SKAP2: variants seen among roughly 807,000 people sequenced by gnomAD.
SKAP2 encodes the protein src kinase-associated phosphoprotein 2.
Under a neutral mutation model 54.9 loss-of-function variants are expected in SKAP2, and 28 were observed. The ratio of observed to expected loss-of-function variants is 0.51; its 90% CI spans 0.38 to 0.70. The LOEUF (loss-of-function observed/expected upper bound fraction) is 0.70. Ranked by LOEUF, SKAP2 falls within the 30% of genes least tolerant of loss-of-function variation. The pLI is 0.00. For missense variants in SKAP2, 356 were observed against 424.1 expected (o/e 0.84, Z 1.41); for synonymous variants, 137 against 134.3 (o/e 1.02, Z -0.14).
At chr7:26,787,368 G>A (rs543920592) in intron 4 of SKAP2, among the ~76,000 whole-genome samples, 1 of 151,922 alleles carries the variant, frequency 6.6e-6, no homozygotes, top group Non-Finnish European at 1.5e-5. Flanking sequence ...TGCCACCTAG[G>A]CTGGAGTGCG....
intron 4 of SKAP2, among the ~76,000 whole-genome samples, chr7:26,777,676 T>C (rs1299144615): frequency 6.6e-6 from 1 of 152,186 alleles, no homozygotes; most frequent in Non-Finnish European, 1.5e-5. Flanking sequence ...TGCTCCTTGT[T>C]TTACATACAT....
intron 4 of SKAP2, among the ~76,000 whole-genome samples, chr7:26,839,190 T>C (rs901540686): frequency 2.6e-5 from 4 of 152,158 alleles, no homozygotes; most frequent in East Asian, 1.9e-4. Flanking sequence ...TTTACTAATA[T>C]ATACCTTTGT....
chr7:26,831,937 T>G (rs1171697875), intron 4 of SKAP2, among the ~76,000 whole-genome samples: 1 of 152,138 alleles, frequency 6.6e-6, no homozygotes, highest in East Asian at 1.9e-4. Context: ...CTTTCCACAG[T>G]TCATCAAACT....
At chr7:26,790,401 G>A (rs1783650067) in intron 4 of SKAP2, among the ~76,000 whole-genome samples, 1 of 152,106 alleles carries the variant, frequency 6.6e-6, no homozygotes, top group African/African-American at 2.4e-5. Context: ...TTAGTAAGGT[G>A]AACTTTTAGA....
In SKAP2 at chr7:26,828,440, G is replaced by A. The variant is rs192566809; in HGVS notation, c.307+15590C>T. 3.0e-3 allele frequency among the ~76,000 whole-genome samples: 458 copies of A among 152,120 alleles called. 1 individual carries two copies. The highest frequency in any genetic ancestry group is 0.011 in the African/African-American group (436 of 41,506). ...CACCTGTAATCCCAGCACTTTGGGAGGCCGAGGCAGGCAGATCACCAGGTC... is the reference window on the plus strand; with the variant it reads ...CACCTGTAATCCCAGCACTTTGGGAAGCCGAGGCAGGCAGATCACCAGGTC... On this transcript the variant is annotated intron_variant, in intron 4 of 12. Coordinates refer to ENST00000345317, the MANE Select transcript of SKAP2 (RefSeq NM_003930.5).
chr7:26,820,408 A>C (rs1784363990), intron 4 of SKAP2, among the ~76,000 whole-genome samples: 1 of 151,846 alleles, frequency 6.6e-6, no homozygotes, highest in African/African-American at 2.4e-5. Flanking sequence ...GTAGGTAAAC[A>C]ACCAACCAAA....
intron 4 of SKAP2, among the ~76,000 whole-genome samples, chr7:26,815,169 G>T (rs1056283125): frequency 6.6e-6 from 1 of 151,872 alleles, no homozygotes; most frequent in African/African-American, 2.4e-5. Context: ...GCCACTAATA[G>T]GGACTTCTAA....
At chr7:26,824,645 T>C (rs1784450819) in intron 4 of SKAP2, among the ~76,000 whole-genome samples, 1 of 152,220 alleles carries the variant, frequency 6.6e-6, no homozygotes, top group Non-Finnish European at 1.5e-5. Flanking sequence ...ACTTTTTTAG[T>C]AAAGTGTCAG....
chr7:26,745,181 C>T (rs12334046), intron 4 of SKAP2, among the ~76,000 whole-genome samples: 7,627 of 152,120 alleles, frequency 0.05, 655 homozygotes, highest in African/African-American at 0.17. Context: ...ACCACCTACC[C>T]GACTAAAGTT....
intron 4 of SKAP2, among the ~76,000 whole-genome samples, chr7:26,804,044 T>C (rs904606012): frequency 6.6e-6 from 1 of 152,144 alleles, no homozygotes; most frequent in Non-Finnish European, 1.5e-5. Context: ...AGACCTACTA[T>C]TGAATAGCAC....
At chr7:26,782,819 C>T (rs1434648641) in intron 4 of SKAP2, among the ~76,000 whole-genome samples, 10 of 152,148 alleles carry the variant, frequency 6.6e-5, no homozygotes, top group Non-Finnish European at 1.0e-4. Context: ...TGTGAGGGCA[C>T]ATAGAAGGCA....
At chr7:26,816,040 A>G (rs1357289913) in intron 4 of SKAP2, among the ~76,000 whole-genome samples, 2 of 152,152 alleles carry the variant, frequency 1.3e-5, no homozygotes, top group African/African-American at 4.8e-5. Flanking sequence ...CAAAAGGAGA[A>G]TTATAAATAG....
intron 6 of SKAP2, among the ~76,000 whole-genome samples, chr7:26,736,546 A>T (rs934764171): frequency 6.6e-6 from 1 of 152,246 alleles, no homozygotes; most frequent in African/African-American, 2.4e-5. Flanking sequence ...AAGTGTAAGC[A>T]GCTGAGCAGC....
chr7:26,803,508 T>C (rs1367693326), intron 4 of SKAP2, among the ~76,000 whole-genome samples: 1 of 152,160 alleles, frequency 6.6e-6, no homozygotes, highest in African/African-American at 2.4e-5. Flanking sequence ...AGCCCTTGTA[T>C]GCTATTGGTG....
chr7:26,845,548 T>G (rs1242500121), intron 3 of SKAP2, among the ~76,000 whole-genome samples: 2 of 152,222 alleles, frequency 1.3e-5, no homozygotes, highest in Admixed American at 1.3e-4. Context: ...ATACTACTCA[T>G]TCTTTGGAAC....
At chr7:26,803,095 C>T (rs866011663) in intron 4 of SKAP2, among the ~76,000 whole-genome samples, 1 of 152,102 alleles carries the variant, frequency 6.6e-6, no homozygotes, top group Admixed American at 6.6e-5. Context: ...CAAGCACAGG[C>T]AACCAAAGCA....
rs941923733 is a variant in SKAP2, at chr7:26,669,578, G to A, written c.*88C>T. 1.3e-5 allele frequency: 2 copies of A among 152,160 alleles called. No homozygotes were observed. Among genetic ancestry groups the A allele is most frequent in the African/African-American group, 4.8e-5 (2 of 41,392 alleles). The allele number at this position is 152,160 out of a possible 1,614,324, so 9.4% of individuals were successfully genotyped here. On this transcript the variant is annotated 3_prime_UTR_variant, in exon 13 of 13. Coordinates refer to ENST00000345317, the MANE Select transcript of SKAP2 (RefSeq NM_003930.5). Reference sequence around the variant, plus strand: ...AGTAATGTTTAATAAAACAAGGAGAGGTTAGGAGCTGTCACTCGTGCTTTC... The same window carrying A: ...AGTAATGTTTAATAAAACAAGGAGAAGTTAGGAGCTGTCACTCGTGCTTTC...
At chr7:26,741,530 C>A (rs924129755) in intron 4 of SKAP2, among the ~76,000 whole-genome samples, 2 of 145,678 alleles carry the variant, frequency 1.4e-5, no homozygotes, top group Non-Finnish European at 3.0e-5. Context: ...TAGAGTGAGA[C>A]CCTGTCTCTA....
the SKAP2 span, among the ~76,000 whole-genome samples, chr7:26,660,688 C>T: frequency 7.9e-5 from 12 of 152,092 alleles, no homozygotes; most frequent in East Asian, 2.3e-3. Flanking sequence ...ATAATATAAA[C>T]ACATTATAAA....
Sources: allele counts gnomAD v4.1 joint callset (sites outside exome capture counted in the v4.1 genomes callset), GRCh38; gene constraint gnomAD v4.1.1; transcripts MANE v1.5; gene names NCBI Gene and HGNC (gene_info 2026-07-23, HGNC 2026-07-21).